Variants in KCND2 observed in about 807,000 individuals in gnomAD.
The protein encoded by KCND2 is A-type voltage-gated potassium channel KCND2.
A neutral mutation model predicts 54.4 loss-of-function variants in KCND2; 16 were observed. The ratio of observed to expected loss-of-function variants is 0.29; its 90% confidence interval spans 0.20 to 0.45. KCND2 has a LOEUF of 0.45. Ranked by LOEUF, KCND2 falls within the 20% of genes least tolerant of loss-of-function variation. The probability of loss-of-function intolerance (pLI) is 1.00; values close to 1 mark genes in which losing one functional copy is unlikely to be tolerated. For missense variants in KCND2, 486 were observed against 824.2 expected (o/e 0.59, Z 5.02); for synonymous variants, 317 against 310.7 (o/e 1.02, Z -0.21).
intron 1 of KCND2, among the ~76,000 whole-genome samples, chr7:120,513,234 G>T (rs1023834027): frequency 1.3e-5 from 2 of 152,086 alleles, no homozygotes; most frequent in Non-Finnish European, 2.9e-5. Context: ...GCTGAAGCAG[G>T]TTTCGACATA....
chr7:120,476,016 A>G (rs1802528836), intron 1 of KCND2, among the ~76,000 whole-genome samples: 1 of 152,202 alleles, frequency 6.6e-6, no homozygotes, highest in Admixed American at 6.5e-5. Flanking sequence ...TCTGACTTCT[A>G]TTAGAAAATA....
chr7:120,425,687 G>A (rs1399220018), intron 1 of KCND2, among the ~76,000 whole-genome samples: 1 of 152,314 alleles, frequency 6.6e-6, no homozygotes, highest in Non-Finnish European at 1.5e-5. Flanking sequence ...AGCATGCTAC[G>A]AAGACCTGTT....
Position 120,379,620 on chromosome 7 carries a change from C to A in KCND2, c.1115+103873C>A, listed in dbSNP as rs955275040. Among the ~76,000 whole-genome samples, 9 of 152,076 alleles carry A rather than the reference C, an allele frequency of 5.9e-5. No homozygotes were observed. The East Asian group carries it at 1.8e-3, about 30-fold the overall frequency. The stretch of plus-strand genomic sequence containing the variant: ...ATTACTCTTTTTAAGAGATTTGATT[C>A]TTATTCCTCCTTGTTGAGTATAATG... On this transcript the variant is annotated intron_variant, in intron 1 of 5. Coordinates refer to ENST00000331113, the MANE Select transcript of KCND2 (RefSeq NM_012281.3).
intron 1 of KCND2, among the ~76,000 whole-genome samples, chr7:120,364,622 G>A (rs759080728): frequency 6.6e-6 from 1 of 152,084 alleles, no homozygotes; most frequent in Non-Finnish European, 1.5e-5. Flanking sequence ...GGAATTTATA[G>A]GAAAAGAGCG....
intron 1 of KCND2, among the ~76,000 whole-genome samples, chr7:120,360,744 G>A (rs1031452286): frequency 2.0e-5 from 3 of 151,894 alleles, no homozygotes; most frequent in Admixed American, 1.3e-4. Context: ...TAATCTTGAC[G>A]CCAGTGTTAC....
chr7:120,553,433 G>A (rs1167944474), intron 1 of KCND2, among the ~76,000 whole-genome samples: 1 of 152,204 alleles, frequency 6.6e-6, no homozygotes, highest in African/African-American at 2.4e-5. Context: ...ATCCACTGAT[G>A]TATACTTAGT....
intron 1 of KCND2, among the ~76,000 whole-genome samples, chr7:120,547,156 C>T (rs1792051193): frequency 6.6e-6 from 1 of 151,618 alleles, no homozygotes; most frequent in Non-Finnish European, 1.5e-5. Flanking sequence ...TCTGTAATTG[C>T]TTATATTTAA....
intron 1 of KCND2, among the ~76,000 whole-genome samples, chr7:120,533,610 A>G (rs772138110): frequency 6.6e-6 from 1 of 152,108 alleles, no homozygotes; most frequent in Non-Finnish European, 1.5e-5. Flanking sequence ...TACTAATGTA[A>G]TGGATATATA....
At chr7:120,728,882 A>G (rs1452360996) in intron 1 of KCND2, among the ~76,000 whole-genome samples, 1 of 152,176 alleles carries the variant, frequency 6.6e-6, no homozygotes, top group Non-Finnish European at 1.5e-5. Context: ...TATATTGAAT[A>G]TAAATAATAA....
At chr7:120,677,526 T>C (rs1425359051) in intron 1 of KCND2, among the ~76,000 whole-genome samples, 1 of 130,036 alleles carries the variant, frequency 7.7e-6, no homozygotes, top group African/African-American at 3.6e-5. Flanking sequence ...AATATATATA[T>C]ATAGATATAG....
intron 1 of KCND2, among the ~76,000 whole-genome samples, chr7:120,491,562 TAA>T (rs973168053): frequency 6.6e-6 from 1 of 152,112 alleles, no homozygotes; most frequent in African/African-American, 2.4e-5. Flanking sequence ...TTGTGGTACA[TAA>T]CAGAGCAAAT....
At chr7:120,720,955 G>A (rs922172544) in intron 1 of KCND2, among the ~76,000 whole-genome samples, 3 of 152,262 alleles carry the variant, frequency 2.0e-5, no homozygotes, top group Admixed American at 6.5e-5. Context: ...AGGAGCATAC[G>A]AAGAGAAGTA....
chr7:120,649,554 A>C (rs1447977169), intron 1 of KCND2, among the ~76,000 whole-genome samples: 4 of 152,162 alleles, frequency 2.6e-5, no homozygotes, highest in African/African-American at 9.7e-5. Flanking sequence ...GGCTGCATAA[A>C]TGTCTTCTCT....
At chr7:120,315,728 A>G (rs1799801927) in intron 1 of KCND2, among the ~76,000 whole-genome samples, 2 of 150,784 alleles carry the variant, frequency 1.3e-5, no homozygotes, top group South Asian at 2.1e-4. Flanking sequence ...AAAGTCAAGC[A>G]GTGAGACACG....
intron 1 of KCND2, among the ~76,000 whole-genome samples, chr7:120,461,445 C>T (rs1802282494): frequency 6.6e-6 from 1 of 152,128 alleles, no homozygotes; most frequent in African/African-American, 2.4e-5. Context: ...TCCCTCCATC[C>T]CCTAGCCACG....
intron 1 of KCND2, among the ~76,000 whole-genome samples, chr7:120,365,622 A>C (rs1262404512): frequency 6.6e-6 from 1 of 152,124 alleles, no homozygotes; most frequent in East Asian, 1.9e-4. Flanking sequence ...TGCTGGACCT[A>C]TGGGGAATGA....
At chr7:120,281,917 G>T (rs1025015191) in intron 1 of KCND2, among the ~76,000 whole-genome samples, 3 of 152,112 alleles carry the variant, frequency 2.0e-5, no homozygotes, top group South Asian at 2.1e-4. Flanking sequence ...TGAACATTTT[G>T]TCCTCTCATC....
At chr7:120,586,459 CATT>C (rs1054234017) in intron 1 of KCND2, among the ~76,000 whole-genome samples, 20 of 152,064 alleles carry the variant, frequency 1.3e-4, no homozygotes, top group Non-Finnish European at 2.9e-5. Flanking sequence ...ATAAGGTTAA[CATT>C]ATTATCAAAA....
intron 1 of KCND2, among the ~76,000 whole-genome samples, chr7:120,679,465 A>C (rs1792113162): frequency 6.6e-6 from 1 of 151,970 alleles, no homozygotes; most frequent in Non-Finnish European, 1.5e-5. Flanking sequence ...CAGAAAATTA[A>C]AATGGTTTAA....
Sources: gnomAD v4.1 joint callset for allele counts (sites outside exome capture counted in the v4.1 genomes callset) on GRCh38, gnomAD v4.1.1 for gene constraint, MANE v1.5 for transcripts, NCBI Gene and HGNC (gene_info 2026-07-23, HGNC 2026-07-21) for gene names.